ZNF431: variants seen among roughly 807,000 people sequenced by gnomAD.
ZNF431 encodes zinc finger protein 431.
ZNF431 carries 34 observed loss-of-function variants against 57.0 expected under a neutral mutation model. That is an observed-to-expected ratio of 0.60 (90% CI 0.45 to 0.79). The LOEUF (loss-of-function observed/expected upper bound fraction) is 0.79. Ranked by LOEUF, ZNF431 falls within the 30% of genes least tolerant of loss-of-function variation. The pLI, the probability that ZNF431 is intolerant of heterozygous loss-of-function variation, is 0.00. For missense variants in ZNF431, 607 were observed against 667.1 expected (o/e 0.91, Z 0.99); for synonymous variants, 207 against 220.3 (o/e 0.94, Z 0.54).
intron 2 of ZNF431, among the ~76,000 whole-genome samples, chr19:21,159,534 A>G (rs1351656679): frequency 2.0e-5 from 3 of 151,950 alleles, no homozygotes; most frequent in Non-Finnish European, 4.4e-5. Flanking sequence ...CACCACACCC[A>G]GGTAATTTTT....
chr19:21,166,397 C>G lies in ZNF431; in HGVS notation c.159C>G (p.Asn53Lys). ...CTCTGGAGGAGTGGGAATGCCTGAACCCTGCTCAGCAGAATTTATATATGA... is the reference window on the plus strand; with the variant it reads ...CTCTGGAGGAGTGGGAATGCCTGAAGCCTGCTCAGCAGAATTTATATATGA... ...EFSLEEWECL[N>K]PAQQNLYMNV... is the part of the protein sequence containing the mutation. The change falls in exon 3 of 5, where the codon AAC (asparagine) becomes AAG (lysine). Residue 53 changes from asparagine (N) to lysine (K), a missense_variant. By Grantham distance (94) the Asn-to-Lys change is moderately conservative. Coordinates refer to ENST00000311048, the MANE Select transcript of ZNF431 (RefSeq NM_133473.4). The G allele has an allele frequency of 6.2e-7, 1 of 1,611,216 alleles. No homozygotes were observed. The highest frequency in any genetic ancestry group is 8.5e-7 in the Non-Finnish European group (1 of 1,179,378).
At chr19:21,150,787 G>A (rs1970249147) in intron 2 of ZNF431, among the ~76,000 whole-genome samples, 1 of 152,096 alleles carries the variant, frequency 6.6e-6, no homozygotes, top group Non-Finnish European at 1.5e-5. Context: ...TTCTCACCTA[G>A]TTATTACATG....
In ZNF431 at chr19:21,193,297, G is replaced by A. The variant is rs552842306; in HGVS notation, c.*9263G>A. On this transcript the variant is annotated 3_prime_UTR_variant, in exon 5 of 5. Coordinates refer to ENST00000311048, the MANE Select transcript of ZNF431 (RefSeq NM_133473.4). ...TAATCCCAGCACTTTGGAAGGCCGA[G>A]GTGGGCGGGTCACCTGAGGTCGGGA... 6.6e-6 allele frequency: 1 copy of A among 152,260 alleles called. No homozygotes were observed. The highest frequency in any genetic ancestry group is 1.5e-5 in the Non-Finnish European group (1 of 68,078). 9.4% of individuals were successfully genotyped at this position (152,260 alleles called of 1,614,324 possible).
chr19:21,153,498 C>T (rs1287419058), intron 2 of ZNF431, among the ~76,000 whole-genome samples: 1 of 152,218 alleles, frequency 6.6e-6, no homozygotes, highest in African/African-American at 2.4e-5. Context: ...CTAGAGAACA[C>T]AAAGGATGAA....
Position 21,192,465 on chromosome 19 carries a change from C to G in ZNF431, c.*8431C>G, listed in dbSNP as rs1971529080. 6.6e-6 allele frequency: 1 copy of G among 152,094 alleles called. No individual in the cohort carries two copies. 9.4% of individuals were successfully genotyped at this position (152,094 alleles called of 1,614,324 possible). On this transcript the variant is annotated 3_prime_UTR_variant, in exon 5 of 5. Transcript: ENST00000311048. ...ACAGGCAGGAGTCACTGCACCTTGCCTGTTTATAATTTTTAAGATTTACTA... is the reference window on the plus strand; with the variant it reads ...ACAGGCAGGAGTCACTGCACCTTGCGTGTTTATAATTTTTAAGATTTACTA...
At chr19:21,179,561 CT>C (rs537364359) in intron 4 of ZNF431, among the ~76,000 whole-genome samples, 2,155 of 137,034 alleles carry the variant, frequency 0.016, 27 homozygotes, top group South Asian at 0.052. Context: ...GTTACATTGT[CT>C]TTTTTTTTTT....
At chr19:21,146,231 G>A (rs915410546) in intron 2 of ZNF431, among the ~76,000 whole-genome samples, 6 of 152,066 alleles carry the variant, frequency 3.9e-5, no homozygotes, top group South Asian at 4.2e-4. Flanking sequence ...TCAACATGGT[G>A]AAACCCCGTC....
At position 21,167,613 on chromosome 19, in the gene ZNF431, A is replaced by G; in HGVS notation, c.266A>G (p.Gln89Arg). The G allele has an allele frequency of 6.3e-7, 1 of 1,591,674 alleles. No homozygotes were observed. ...SKQDPVTCLE[Q>R]EKEPWNMKRH... is the part of the protein sequence containing the mutation. Reference sequence around the variant, plus strand: ...CAAGACCCAGTCACCTGTCTGGAGCAAGAAAAAGAGCCCTGGAATATGAAG... The same window carrying G: ...CAAGACCCAGTCACCTGTCTGGAGCGAGAAAAAGAGCCCTGGAATATGAAG... The change falls in exon 4 of 5, where the codon CAA (glutamine) becomes CGA (arginine). Residue 89 changes from glutamine (Q) to arginine (R), a missense_variant. Gln to Arg is a conservative substitution (Grantham distance 43). Transcript: ENST00000311048.
intron 2 of ZNF431, among the ~76,000 whole-genome samples, chr19:21,153,302 G>A (rs117042667): frequency 0.012 from 1,822 of 152,214 alleles, 18 homozygotes; most frequent in South Asian, 0.021. Context: ...GAGTTAGAAT[G>A]TCTAACCATC....
chr19:21,160,403 A>G (rs1338806915), intron 2 of ZNF431, among the ~76,000 whole-genome samples: 2 of 152,206 alleles, frequency 1.3e-5, no homozygotes, highest in African/African-American at 2.4e-5. Flanking sequence ...AAATATCCAG[A>G]GCCATGACAA....
rs780351164 is a variant in ZNF431, at chr19:21,194,972, A to G, written c.*10938A>G. The stretch of plus-strand genomic sequence containing the variant: ...GGACTATTGCTTTATGAACGTGATG[A>G]TTGGAAGCAAAAACGTGGGGCTTTT... On this transcript the variant is annotated 3_prime_UTR_variant, in exon 5 of 5. Coordinates refer to ENST00000311048, the MANE Select transcript of ZNF431 (RefSeq NM_133473.4). The G allele has an allele frequency of 2.0e-5, 3 of 152,204 alleles. No homozygotes were observed. The highest frequency in any genetic ancestry group is 4.4e-5 in the Non-Finnish European group (3 of 68,034). 9.4% of individuals were successfully genotyped at this position (152,204 alleles called of 1,614,324 possible). A position where few individuals can be genotyped will look rare whatever the true frequency, so the allele number is the denominator to read the frequency against.
In ZNF431 at chr19:21,182,933, C is replaced by G; in HGVS notation, c.630C>G (p.Gly210=). The change falls in exon 5 of 5, where the codon GGC becomes GGG. Residue 210 remains glycine, a synonymous_variant. Transcript: ENST00000311048. The part of the protein sequence containing the change: ...GKKPFKCKKC[G]KSFCMLLHLS... ...AACCTTTCAAATGTAAAAAATGTGG[C>G]AAATCATTTTGCATGCTTTTACACC... is the stretch of plus-strand genomic sequence containing the variant. 6.2e-7 allele frequency: 1 copy of G among 1,613,822 alleles called. No homozygotes were observed. Among genetic ancestry groups the G allele is most frequent in the South Asian group, 1.1e-5 (1 of 91,062 alleles).
chr19:21,150,283 G>GGTGAGGT (rs1970234362), intron 2 of ZNF431: 1 of 479,534 alleles, frequency 2.1e-6, no homozygotes, highest in African/African-American at 2.0e-5. Context: ...GGCCATTTCG[G>GGTGAGGT]GTGAGGTCCC....
chr19:21,171,157 G>A lies in ZNF431; in HGVS notation c.319+3491G>A, dbSNP rs962713530. On this transcript the variant is annotated intron_variant, in intron 4 of 4. Transcript: ENST00000311048. Reference sequence around the variant, plus strand: ...GTAAAATTTATCATATTTTTTACATGCTTATTTAAAAAGTTTCTTATTAGA... The same window carrying A: ...GTAAAATTTATCATATTTTTTACATACTTATTTAAAAAGTTTCTTATTAGA... Among the ~76,000 whole-genome samples the A allele has an allele frequency of 7.2e-4, 109 of 150,942 alleles. 1 individual carries two copies. Among genetic ancestry groups the A allele is most frequent in the African/African-American group, 2.6e-3 (107 of 41,158 alleles).
In ZNF431 at chr19:21,142,116, T is replaced by C; in HGVS notation, c.-68T>C. 1 of 1,603,050 alleles carries C rather than the reference T, an allele frequency of 6.2e-7. No homozygotes were observed. Among genetic ancestry groups the C allele is most frequent in the Non-Finnish European group, 8.5e-7 (1 of 1,171,340 alleles). ...TCTGCTCCTAGAGGCCCAACATCTG[T>C]GGCCCTGTGACCTGCAGGTATTGGG... On this transcript the variant is annotated 5_prime_UTR_variant, in exon 1 of 5. Transcript: ENST00000311048.
intron 3 of ZNF431, among the ~76,000 whole-genome samples, chr19:21,166,749 T>G (rs1205268192): frequency 6.6e-6 from 1 of 152,198 alleles, no homozygotes; most frequent in South Asian, 2.1e-4. Flanking sequence ...AAAATCTATT[T>G]GCCATCACCA....
At chr19:21,150,861 CG>C (rs1264456269) in intron 2 of ZNF431, among the ~76,000 whole-genome samples, 2 of 152,098 alleles carry the variant, frequency 1.3e-5, no homozygotes, top group African/African-American at 4.8e-5. Flanking sequence ...CATCAGATAA[CG>C]CATTGCAAAA....
chr19:21,183,409 A>G lies in ZNF431; in HGVS notation c.1106A>G (p.Glu369Gly). 6.2e-7 allele frequency: 1 copy of G among 1,613,698 alleles called. No homozygotes were observed. The highest frequency in any genetic ancestry group is 2.2e-5 in the East Asian group (1 of 44,838). Residue 369 changes from glutamate to glycine, a missense_variant, in exon 5 of 5, where the codon GAA becomes GGA. Transcript: ENST00000311048. ...AAACATAAGATAATTCATACTGGAG[A>G]AAAATCTTACAAATGTGAAGAATGT... Reference protein sequence around the residue: ...LTKHKIIHTGEKSYKCEECGK... With the variant: ...LTKHKIIHTGGKSYKCEECGK...
At chr19:21,164,797 T>C (rs1213931801) in intron 2 of ZNF431, among the ~76,000 whole-genome samples, 1 of 151,908 alleles carries the variant, frequency 6.6e-6, no homozygotes, top group Non-Finnish European at 1.5e-5. Flanking sequence ...ATTCTTGTAA[T>C]AGTCAAGGGT....
Sources: allele counts gnomAD v4.1 joint callset (sites outside exome capture counted in the v4.1 genomes callset), GRCh38; gene constraint gnomAD v4.1.1; transcripts MANE v1.5; gene names NCBI Gene and HGNC (gene_info 2026-07-23, HGNC 2026-07-21).